Variants in CADPS observed in about 807,000 individuals in gnomAD.
CADPS encodes the protein calcium-dependent secretion activator 1.
A neutral mutation model predicts 167.3 loss-of-function variants in CADPS; 57 were observed. The observed-to-expected ratio is 0.34, with a 90% confidence interval of 0.28 to 0.42. The LOEUF (loss-of-function observed/expected upper bound fraction) is 0.42, where lower values mean the gene tolerates loss of function less well. Among genes scored for constraint, CADPS ranks in the 20% least tolerant of loss-of-function variants. The pLI, the probability that CADPS is intolerant of heterozygous loss-of-function variation, is 1.00. For synonymous variants in CADPS, 676 were observed against 635.3 expected (o/e 1.06, Z -0.96); for missense variants, 1,414 against 1,738.1 (o/e 0.81, Z 3.32).
At chr3:62,630,089 G>T (rs1480744682) in intron 6 of CADPS, among the ~76,000 whole-genome samples, 1 of 151,958 alleles carries the variant, frequency 6.6e-6, no homozygotes, top group Non-Finnish European at 1.5e-5. Context: ...TAGAATATAG[G>T]GTTGCTGAGG....
chr3:62,479,591 G>C (rs987218313), intron 22 of CADPS, among the ~76,000 whole-genome samples: 3 of 152,272 alleles, frequency 2.0e-5, no homozygotes, highest in African/African-American at 7.2e-5. Context: ...ACACGCCCAA[G>C]CATGCTGAGA....
At chr3:62,731,835 A>AAAAAAAAAAAAG (rs568495417) in intron 3 of CADPS, among the ~76,000 whole-genome samples, 2 of 110,234 alleles carry the variant, frequency 1.8e-5, no homozygotes, top group Admixed American at 1.0e-4. Flanking sequence ...AAAAAAGTAA[A>AAAAAAAAAAAAG]GAAGGAAGAA....
chr3:62,635,748 C>T (rs2066179557), intron 6 of CADPS, among the ~76,000 whole-genome samples: 1 of 150,618 alleles, frequency 6.6e-6, no homozygotes, highest in South Asian at 2.1e-4. Context: ...CTATAATTAT[C>T]TTTATGGTCA....
intron 6 of CADPS, among the ~76,000 whole-genome samples, chr3:62,609,071 C>T (rs1409991897): frequency 3.9e-5 from 6 of 152,168 alleles, no homozygotes; most frequent in African/African-American, 1.2e-4. Flanking sequence ...AAGAACCAAT[C>T]GCTCACCCCT....
At chr3:62,436,488 T>C (rs554143243) in intron 28 of CADPS, among the ~76,000 whole-genome samples, 14 of 152,326 alleles carry the variant, frequency 9.2e-5, no homozygotes, top group Admixed American at 3.3e-4. Flanking sequence ...CACTCCTAAC[T>C]GCAGACCCGA....
At chr3:62,548,807 T>C (rs145850977) in intron 11 of CADPS, among the ~76,000 whole-genome samples, 2 of 152,370 alleles carry the variant, frequency 1.3e-5, no homozygotes, top group African/African-American at 4.8e-5. Flanking sequence ...CCTTTGAACC[T>C]AAACTCAGGG....
intron 23 of CADPS, among the ~76,000 whole-genome samples, chr3:62,475,584 GAAAAAAAAAAAAAA>G (rs34263556): frequency 1.8e-4 from 10 of 55,964 alleles, no homozygotes; most frequent in Admixed American, 1.5e-3. Flanking sequence ...CAGTTCTTAA[GAAAAAAAAAAAAAA>G]AAAAAAAAAA....
intron 7 of CADPS, among the ~76,000 whole-genome samples, chr3:62,586,708 G>T (rs1053742725): frequency 5.9e-5 from 9 of 152,168 alleles, no homozygotes; most frequent in Non-Finnish European, 1.3e-4. Context: ...CAGAACAGAG[G>T]CTGTCAATGT....
intron 3 of CADPS, among the ~76,000 whole-genome samples, chr3:62,704,647 A>G (rs2082009703): frequency 6.6e-6 from 1 of 152,142 alleles, no homozygotes; most frequent in Admixed American, 6.5e-5. Flanking sequence ...ATCATCACTG[A>G]CAAATGCTAG....
At chr3:62,758,111 T>C (rs1470557787) in intron 2 of CADPS, among the ~76,000 whole-genome samples, 2 of 152,170 alleles carry the variant, frequency 1.3e-5, no homozygotes, top group African/African-American at 2.4e-5. Flanking sequence ...GCCCCTTCCT[T>C]TGTACATAGT....
intron 17 of CADPS, among the ~76,000 whole-genome samples, chr3:62,503,416 G>A (rs1180674014): frequency 6.6e-6 from 1 of 152,176 alleles, no homozygotes; most frequent in Non-Finnish European, 1.5e-5. Flanking sequence ...AGCAATCTAT[G>A]GGACTGATCT....
At chr3:62,841,702 A>G (rs2076676667) in intron 1 of CADPS, among the ~76,000 whole-genome samples, 1 of 152,182 alleles carries the variant, frequency 6.6e-6, no homozygotes, top group Non-Finnish European at 1.5e-5. Context: ...ACCTGTCTCA[A>G]AAATATGTAT....
chr3:62,729,433 C>T (rs771717451), intron 3 of CADPS, among the ~76,000 whole-genome samples: 3 of 151,700 alleles, frequency 2.0e-5, no homozygotes, highest in Admixed American at 6.6e-5. Flanking sequence ...AATTCAGCCC[C>T]ATAATGAGAG....
At chr3:62,726,553 T>A (rs1197746020) in intron 3 of CADPS, among the ~76,000 whole-genome samples, 1 of 151,826 alleles carries the variant, frequency 6.6e-6, no homozygotes, top group Non-Finnish European at 1.5e-5. Flanking sequence ...AGAGGAGACA[T>A]GGAATTATCT....
chr3:62,795,148 A>T (rs1245847830), intron 1 of CADPS, among the ~76,000 whole-genome samples: 1 of 151,996 alleles, frequency 6.6e-6, no homozygotes, highest in African/African-American at 2.4e-5. Context: ...TCTTCCTCAA[A>T]ATCTTGATCT....
At chr3:62,679,440 T>A (rs1043090700) in intron 3 of CADPS, among the ~76,000 whole-genome samples, 1 of 151,960 alleles carries the variant, frequency 6.6e-6, no homozygotes, top group Non-Finnish European at 1.5e-5. Context: ...AGCTCTAGGA[T>A]GAAGTCCCAG....
At chr3:62,486,306 G>T (rs1015982304) in intron 21 of CADPS, among the ~76,000 whole-genome samples, 1 of 151,896 alleles carries the variant, frequency 6.6e-6, no homozygotes, top group East Asian at 1.9e-4. Flanking sequence ...TTAGCTGGGC[G>T]TGGTGGCAGG....
intron 3 of CADPS, among the ~76,000 whole-genome samples, chr3:62,715,753 C>CTTTTTTTTTTTTTT (rs71123291): frequency 1.1e-4 from 10 of 89,696 alleles, no homozygotes; most frequent in Middle Eastern, 7.8e-3. Context: ...GATTATAAAT[C>CTTTTTTTTTTTTTT]TTTTTTTTTT....
At chr3:62,760,458 C>A (rs1157978037) in intron 2 of CADPS, among the ~76,000 whole-genome samples, 1 of 151,996 alleles carries the variant, frequency 6.6e-6, no homozygotes, top group Non-Finnish European at 1.5e-5. Flanking sequence ...TGCAGTGGTG[C>A]AGCTCACTGC....
Sources: allele counts gnomAD v4.1 joint callset (sites outside exome capture counted in the v4.1 genomes callset), GRCh38; gene constraint gnomAD v4.1.1; transcripts MANE v1.5; gene names NCBI Gene and HGNC (gene_info 2026-07-23, HGNC 2026-07-21).